ARMC2: variants seen among roughly 807,000 people sequenced by gnomAD.
ARMC2 encodes the protein armadillo repeat-containing protein 2.
Under a neutral mutation model 90.3 loss-of-function variants are expected in ARMC2, and 67 were observed. That is an observed-to-expected ratio of 0.74 (90% confidence interval 0.61 to 0.91). ARMC2 has a LOEUF of 0.91. Ranked by LOEUF, ARMC2 falls within the 40% of genes least tolerant of loss-of-function variation. The pLI, the probability that ARMC2 is intolerant of heterozygous loss-of-function variation, is 0.00. For synonymous variants in ARMC2, 393 were observed against 393.0 expected (o/e 1.00, Z 0.00); for missense variants, 920 against 1,030.9 (o/e 0.89, Z 1.47).
chr6:108,854,570 T>G, intron 2 of ARMC2, 85 bp downstream of exon 2: 4 of 1,339,006 alleles, frequency 3.0e-6, no homozygotes, highest in Non-Finnish European at 4.1e-6. Flanking sequence ...GGTTAGCTTT[T>G]AAAAATAGAC....
At chr6:108,998,772 A>C in the ARMC2 span, 1 of 1,592,126 alleles carries the variant, frequency 6.3e-7, no homozygotes. Context: ...GGGAAAAAAA[A>C]AAAGAATATA....
the ARMC2 span, chr6:108,998,414 T>TTAA: frequency 4.1e-6 from 6 of 1,450,158 alleles, no homozygotes; most frequent in Non-Finnish European, 5.7e-6. Flanking sequence ...CTCCACAGTC[T>TTAA]TAACAGGGTG....
At chr6:108,861,721 T>C (rs1775262619) in intron 3 of ARMC2, among the ~76,000 whole-genome samples, 1 of 152,242 alleles carries the variant, frequency 6.6e-6, no homozygotes, top group African/African-American at 2.4e-5. Context: ...TTGAGCCAGC[T>C]ACAGCCTGAG....
the ARMC2 span, among the ~76,000 whole-genome samples, chr6:109,024,978 G>C: frequency 6.6e-6 from 1 of 152,110 alleles, no homozygotes; most frequent in Non-Finnish European, 1.5e-5. Flanking sequence ...AAAACCCACC[G>C]ACAGGAGGAG....
intron 8 of ARMC2, among the ~76,000 whole-genome samples, chr6:108,906,391 C>T: frequency 6.6e-6 from 1 of 151,974 alleles, no homozygotes; most frequent in East Asian, 1.9e-4. Context: ...CTTTAATTTG[C>T]CAAATTTACT....
chr6:108,854,198 G>T (rs560519005), intron 1 of ARMC2, 27 bp from the exon 2 acceptor site: 2 of 1,223,442 alleles, frequency 1.6e-6, no homozygotes, highest in South Asian at 1.3e-5. Context: ...CAAAAATAAT[G>T]ATGGTTTTTG....
chr6:108,854,267 G>T lies in ARMC2; in HGVS notation c.-1G>T. The T allele has an allele frequency of 4.4e-6, 7 of 1,598,060 alleles. No individual in the cohort carries two copies. The highest frequency in any genetic ancestry group is 6.0e-6 in the Non-Finnish European group (7 of 1,171,888). On this transcript the variant is annotated 5_prime_UTR_variant, in exon 2 of 18. Coordinates refer to ENST00000392644, the MANE Select transcript of ARMC2 (RefSeq NM_032131.6). ...AAGAATATTTTACTTTCAAAGGAAA[G>T]ATGCTGTCTCCAAATGATAAAATGT... is the stretch of plus-strand genomic sequence containing the variant.
chr6:108,991,087 A>G, the ARMC2 span, among the ~76,000 whole-genome samples: 3 of 152,252 alleles, frequency 2.0e-5, no homozygotes, highest in South Asian at 6.2e-4. Flanking sequence ...AACAACAAAA[A>G]AAAACTAATA....
At chr6:108,858,600 A>C (rs1377411161) in intron 3 of ARMC2, among the ~76,000 whole-genome samples, 1 of 150,788 alleles carries the variant, frequency 6.6e-6, no homozygotes, top group Non-Finnish European at 1.5e-5. Flanking sequence ...TACAAAAATT[A>C]GATGTATAAT....
chr6:108,945,107 G>A (rs1287977682), intron 12 of ARMC2, among the ~76,000 whole-genome samples: 1 of 152,060 alleles, frequency 6.6e-6, no homozygotes, highest in Non-Finnish European at 1.5e-5. Context: ...TTTAAGAAAT[G>A]TGCACATATT....
chr6:108,992,460 A>G, the ARMC2 span, among the ~76,000 whole-genome samples: 1 of 152,078 alleles, frequency 6.6e-6, no homozygotes, highest in African/African-American at 2.4e-5. Flanking sequence ...TGGTTCTCAA[A>G]TATTTTCATA....
At chr6:109,026,271 G>C in the ARMC2 span, among the ~76,000 whole-genome samples, 5 of 152,284 alleles carry the variant, frequency 3.3e-5, no homozygotes, top group Non-Finnish European at 4.4e-5. Context: ...AACTGAAGGA[G>C]TGTCAGTTCA....
At chr6:108,986,078 TA>T in the ARMC2 span, among the ~76,000 whole-genome samples, 63 of 152,090 alleles carry the variant, frequency 4.1e-4, no homozygotes, top group African/African-American at 1.4e-3. Context: ...CTAACAGAGT[TA>T]TCATCACAAC....
intron 12 of ARMC2, among the ~76,000 whole-genome samples, chr6:108,939,630 A>G (rs1220005370): frequency 9.9e-5 from 15 of 152,186 alleles, no homozygotes; most frequent in Non-Finnish European, 1.5e-5. Flanking sequence ...GAGCCAATTC[A>G]ATCTCTTTTC....
chr6:109,023,258 T>C, the ARMC2 span, among the ~76,000 whole-genome samples: 1 of 152,256 alleles, frequency 6.6e-6, no homozygotes, highest in South Asian at 2.1e-4. Flanking sequence ...CATTTCTCCC[T>C]GACACTTGAA....
chr6:108,878,757 C>T (rs1777177304), intron 5 of ARMC2, among the ~76,000 whole-genome samples: 1 of 152,120 alleles, frequency 6.6e-6, no homozygotes, highest in East Asian at 1.9e-4. Flanking sequence ...CTCCATATGC[C>T]CATTTAGGGA....
the ARMC2 span, among the ~76,000 whole-genome samples, chr6:109,006,965 A>G: frequency 6.6e-6 from 1 of 152,228 alleles, no homozygotes; most frequent in Non-Finnish European, 1.5e-5. Flanking sequence ...CAGAACTGCC[A>G]CCAACAAATG....
the ARMC2 span, among the ~76,000 whole-genome samples, chr6:108,985,604 A>AATT: frequency 6.6e-6 from 1 of 152,230 alleles, no homozygotes; most frequent in African/African-American, 2.4e-5. Context: ...TTTTGATTTC[A>AATT]ATTTCTAAGT....
At chr6:108,879,878 A>G (rs1350959358) in intron 5 of ARMC2, 1 of 463,278 alleles carries the variant, frequency 2.2e-6, no homozygotes. Flanking sequence ...TCAGTTTTCT[A>G]ATGTATAAAA....
Sources: allele counts gnomAD v4.1 joint callset (sites outside exome capture counted in the v4.1 genomes callset), GRCh38; gene constraint gnomAD v4.1.1; transcripts MANE v1.5; gene names NCBI Gene and HGNC (gene_info 2026-07-23, HGNC 2026-07-21).